SEPHS1: variants seen among roughly 807,000 people sequenced by gnomAD.
SEPHS1 encodes the protein selenophosphate synthetase 1.
In SEPHS1, 7 loss-of-function variants were observed where a neutral mutation model predicts 39.2. The observed-to-expected ratio is 0.18, with a 90% CI of 0.10 to 0.34. The LOEUF is 0.34. Among genes scored for constraint, SEPHS1 ranks in the 10% least tolerant of loss-of-function variants. SEPHS1 has a pLI of 1.00. For synonymous variants in SEPHS1, 190 were observed against 195.5 expected (o/e 0.97, Z 0.23); for missense variants, 253 against 514.5 (o/e 0.49, Z 4.92).
At chr10:13,346,747 C>T (rs1229818446) in intron 1 of SEPHS1, among the ~76,000 whole-genome samples, 1 of 152,142 alleles carries the variant, frequency 6.6e-6, no homozygotes, top group East Asian at 1.9e-4. Flanking sequence ...AAAAATCCAA[C>T]TCACGAGGCA....
chr10:13,325,074 T>G (rs1165250135), intron 7 of SEPHS1, among the ~76,000 whole-genome samples: 1 of 152,228 alleles, frequency 6.6e-6, no homozygotes, highest in Non-Finnish European at 1.5e-5. Flanking sequence ...TGAACAGGTA[T>G]GTGTTTGGCA....
intron 2 of SEPHS1, among the ~76,000 whole-genome samples, chr10:13,342,102 C>T (rs1833804934): frequency 6.7e-6 from 1 of 149,824 alleles, no homozygotes; most frequent in African/African-American, 2.5e-5. Flanking sequence ...CCCGTCTCTA[C>T]TAAAAATACA....
intron 8 of SEPHS1, among the ~76,000 whole-genome samples, chr10:13,320,654 G>T (rs887848274): frequency 1.3e-5 from 2 of 151,824 alleles, no homozygotes; most frequent in African/African-American, 2.4e-5. Flanking sequence ...GACCAGCCTG[G>T]CCAACATGGT....
At chr10:13,326,076 A>T (rs1833279311) in intron 7 of SEPHS1, among the ~76,000 whole-genome samples, 1 of 152,012 alleles carries the variant, frequency 6.6e-6, no homozygotes, top group Non-Finnish European at 1.5e-5. Flanking sequence ...AAGGTATAAG[A>T]TCTGCATCCA....
intron 8 of SEPHS1, among the ~76,000 whole-genome samples, chr10:13,319,574 A>G (rs1282054951): frequency 4.6e-5 from 7 of 152,106 alleles, no homozygotes; most frequent in Non-Finnish European, 4.4e-5. Context: ...CTGCAGCCTC[A>G]ATGTCCTGGC....
In SEPHS1 at chr10:13,323,067, GCT is replaced by G; in HGVS notation, c.752-22_752-21del. On this transcript the variant is annotated intron_variant, in intron 7 of 8. Transcript: ENST00000327347. ...CTGCAGCTGGGAGAGAGAGGGGGCGGCTCTGAGAAAAAACACCTTTCCTCAAC... is the reference window on the plus strand; with the variant it reads ...CTGCAGCTGGGAGAGAGAGGGGGCGGCTGAGAAAAAACACCTTTCCTCAAC... The G allele has an allele frequency of 1.2e-6, 2 of 1,608,416 alleles. No individual in the cohort carries two copies. The highest frequency in any genetic ancestry group is 1.7e-6 in the Non-Finnish European group (2 of 1,175,648).
At position 13,339,029 on chromosome 10, in the gene SEPHS1, T is replaced by C. The variant is rs538707549; in HGVS notation, c.194-221A>G. On this transcript the variant is annotated intron_variant, in intron 2 of 8. Coordinates refer to ENST00000327347, the MANE Select transcript of SEPHS1 (RefSeq NM_012247.5). ...CAATGAAAATGTTACTCATCAAGAC[T>C]CAACTCCAATATGGCATAGTTTTAA... Among the ~76,000 whole-genome samples, 37 of 152,294 alleles carry C rather than the reference T, an allele frequency of 2.4e-4. 1 individual carries two copies. The highest frequency in any genetic ancestry group is 9.8e-4 in the Admixed American group (15 of 15,292).
intron 2 of SEPHS1, among the ~76,000 whole-genome samples, chr10:13,339,835 A>C (rs1414399): frequency 0.41 from 62,391 of 151,978 alleles, 14,487 homozygotes; most frequent in East Asian, 0.69. Flanking sequence ...ATGACAAGAC[A>C]AAAAAAAGTC....
At chr10:13,330,631 C>T (rs183916350) in intron 5 of SEPHS1, among the ~76,000 whole-genome samples, 2 of 152,070 alleles carry the variant, frequency 1.3e-5, no homozygotes, top group African/African-American at 2.4e-5. Flanking sequence ...TCACCCAAGT[C>T]GATGAAAACA....
intron 2 of SEPHS1, among the ~76,000 whole-genome samples, chr10:13,342,872 A>G (rs1277117340): frequency 6.6e-6 from 1 of 152,046 alleles, no homozygotes; most frequent in Non-Finnish European, 1.5e-5. Flanking sequence ...AGTAGCTGAA[A>G]CTACAGGTGT....
At chr10:13,333,729 T>C in intron 5 of SEPHS1, 88 bp downstream of exon 5, 11 of 1,384,816 alleles carry the variant, frequency 7.9e-6, no homozygotes, top group Non-Finnish European at 1.1e-5. Context: ...TGTGAGCCAC[T>C]GCACCTGACC....
At chr10:13,346,718 G>A (rs187695812) in intron 1 of SEPHS1, among the ~76,000 whole-genome samples, 1,860 of 146,058 alleles carry the variant, frequency 0.013, 13 homozygotes, top group Non-Finnish European at 0.018. Context: ...CCCCTACCAG[G>A]AAAAAAAAAA....
intron 7 of SEPHS1, among the ~76,000 whole-genome samples, chr10:13,325,459 G>C (rs1332594655): frequency 6.6e-6 from 1 of 152,150 alleles, no homozygotes; most frequent in African/African-American, 2.4e-5. Context: ...CATGAGATCT[G>C]ATGGTTTTGT....
At chr10:13,334,066 A>C in intron 4 of SEPHS1, 95 bp from the exon 5 acceptor site, 1 of 1,151,358 alleles carries the variant, frequency 8.7e-7, no homozygotes, top group South Asian at 1.5e-5. Flanking sequence ...AAAGAACCAT[A>C]AAATCCTAAA....
At chr10:13,346,204 T>C (rs989119067) in intron 1 of SEPHS1, among the ~76,000 whole-genome samples, 5 of 152,244 alleles carry the variant, frequency 3.3e-5, no homozygotes, top group Non-Finnish European at 7.3e-5. Flanking sequence ...CAAGCACTCC[T>C]ACGTTTTTTA....
At chr10:13,342,159 C>T (rs545855285) in intron 2 of SEPHS1, among the ~76,000 whole-genome samples, 40 of 148,958 alleles carry the variant, frequency 2.7e-4, no homozygotes, top group Admixed American at 8.0e-4. Context: ...CCCAGCTACT[C>T]GGGAGGCTGA....
chr10:13,324,992 G>A (rs1414665687), intron 7 of SEPHS1, among the ~76,000 whole-genome samples: 1 of 152,096 alleles, frequency 6.6e-6, no homozygotes, highest in Non-Finnish European at 1.5e-5. Flanking sequence ...AGGTCTTTGG[G>A]CCATGTTTAA....
chr10:13,321,081 C>CT (rs986404210), intron 8 of SEPHS1, among the ~76,000 whole-genome samples: 6 of 152,042 alleles, frequency 3.9e-5, no homozygotes, highest in African/African-American at 1.4e-4. Context: ...CTGAAGCCCC[C>CT]TCGCCACAGC....
At chr10:13,321,589 G>T (rs1833118468) in intron 8 of SEPHS1, among the ~76,000 whole-genome samples, 1 of 151,992 alleles carries the variant, frequency 6.6e-6, no homozygotes, top group African/African-American at 2.4e-5. Context: ...GAAAACTAGA[G>T]TTCTAGAGGA....
Sources: allele counts gnomAD v4.1 joint callset (sites outside exome capture counted in the v4.1 genomes callset), GRCh38; gene constraint gnomAD v4.1.1; transcripts MANE v1.5; gene names NCBI Gene and HGNC (gene_info 2026-07-23, HGNC 2026-07-21).